KIRREL3: variants seen among roughly 807,000 people sequenced by gnomAD.
KIRREL3 encodes kin of IRRE-like protein 3.
Under a neutral mutation model 89.7 loss-of-function variants are expected in KIRREL3, and 36 were observed. The observed-to-expected ratio is 0.40, with a 90% CI of 0.31 to 0.53. KIRREL3 has a LOEUF of 0.53. Ranked by LOEUF, KIRREL3 falls within the 20% of genes least tolerant of loss-of-function variation. The pLI, the probability that KIRREL3 is intolerant of heterozygous loss-of-function variation, is 0.49. For missense variants in KIRREL3, 864 were observed against 1,056.6 expected (o/e 0.82, Z 2.53); for synonymous variants, 445 against 441.4 (o/e 1.01, Z -0.10).
chr11:126,751,655 A>T (rs1185394896), intron 1 of KIRREL3, among the ~76,000 whole-genome samples: 1 of 151,796 alleles, frequency 6.6e-6, no homozygotes, highest in East Asian at 1.9e-4. Context: ...CTCACTAAAT[A>T]TTCTTTTTGA....
chr11:126,433,174 C>T (rs976391973), intron 13 of KIRREL3, among the ~76,000 whole-genome samples: 6 of 152,218 alleles, frequency 3.9e-5, no homozygotes, highest in Non-Finnish European at 8.8e-5. Context: ...CCATCGTTCC[C>T]GATCAGCAGT....
rs1212101697 is a variant in KIRREL3 at position 126,561,516 on chromosome 11, T to G, written c.133+1319A>C. On this transcript the variant is annotated intron_variant, in intron 2 of 16. Coordinates refer to ENST00000525144, the MANE Select transcript of KIRREL3 (RefSeq NM_032531.4). This position sits in a 1 kb window ranked among gnomAD's most constrained non-coding sequence, Gnocchi z 4.5. ...AGGCACGCTGTCAGTTCCCACAAAT[T>G]AGAAGTTACTGCCTAGCAGTCTTGT... 6.6e-6 allele frequency among the ~76,000 whole-genome samples: 1 copy of G among 151,976 alleles called. No individual in the cohort carries two copies. The highest frequency in any genetic ancestry group is 1.5e-5 in the Non-Finnish European group (1 of 67,994).
In KIRREL3 at chr11:126,495,296, G is replaced by C. The variant is rs777616534; in HGVS notation, c.434-21830C>G. On this transcript the variant is annotated intron_variant, in intron 4 of 16. Transcript: ENST00000525144. The surrounding 1 kb of genome is among the most constrained non-coding windows in gnomAD (Gnocchi z 6.5). ...AGTGTGACCCATCAGCTTGACTTCC[G>C]GGCCCTCTGTACCCTGGCCCAAGCC... is the stretch of plus-strand genomic sequence containing the variant. Among the ~76,000 whole-genome samples, 7 of 152,082 alleles carry C rather than the reference G, an allele frequency of 4.6e-5. No homozygotes were observed. Among genetic ancestry groups the C allele is most frequent in the Non-Finnish European group, 1.0e-4 (7 of 68,006 alleles).
chr11:126,841,114 T>C (rs538345219), intron 1 of KIRREL3, among the ~76,000 whole-genome samples: 7 of 152,294 alleles, frequency 4.6e-5, no homozygotes, highest in South Asian at 2.1e-4. Context: ...GGAAAGAACA[T>C]AGTGTATATA....
chr11:126,638,233 G>A (rs1944339507), intron 1 of KIRREL3, among the ~76,000 whole-genome samples: 1 of 152,198 alleles, frequency 6.6e-6, no homozygotes, highest in African/African-American at 2.4e-5. Flanking sequence ...CCTCTTGACA[G>A]AATTTTCCTA....
chr11:126,563,197 T>C lies in KIRREL3; in HGVS notation c.56-285A>G, dbSNP rs1030053468. Among the ~76,000 whole-genome samples the C allele has an allele frequency of 6.6e-6, 1 of 152,210 alleles. No individual in the cohort carries two copies. Among genetic ancestry groups the C allele is most frequent in the East Asian group, 1.9e-4 (1 of 5,198 alleles). Reference sequence around the variant, plus strand: ...ACTGGATGAAAGAGCTAGCAGGTGGTAAAGCCAGAGCTTTGAACCTAGGCA... The same window carrying C: ...ACTGGATGAAAGAGCTAGCAGGTGGCAAAGCCAGAGCTTTGAACCTAGGCA... On this transcript the variant is annotated intron_variant, in intron 1 of 16. Transcript: ENST00000525144. This position sits in a 1 kb window ranked among gnomAD's most constrained non-coding sequence, Gnocchi z 6.8.
rs1938396095 is a variant in KIRREL3, at chr11:126,541,901, C to T, written c.134-15214G>A. Among the ~76,000 whole-genome samples the T allele has an allele frequency of 6.6e-6, 1 of 152,192 alleles. No homozygotes were observed. The highest frequency in any genetic ancestry group is 2.4e-5 in the African/African-American group (1 of 41,448). On this transcript the variant is annotated intron_variant, in intron 2 of 16. Coordinates refer to ENST00000525144, the MANE Select transcript of KIRREL3 (RefSeq NM_032531.4). The surrounding 1 kb of genome is among the most constrained non-coding windows in gnomAD (Gnocchi z 4.8). ...GGCATTTTCACACCTTTTGAAAGTT[C>T]ATGCAACCCTTTTTGTCAGTGAAGT...
chr11:126,511,908 C>G (rs1363722174), intron 4 of KIRREL3, among the ~76,000 whole-genome samples: 2 of 152,196 alleles, frequency 1.3e-5, no homozygotes, highest in Non-Finnish European at 2.9e-5. Context: ...CCTCAGAGGG[C>G]TCCCTGTGCA....
At chr11:126,585,497 G>A (rs1308182052) in intron 1 of KIRREL3, among the ~76,000 whole-genome samples, 1 of 151,902 alleles carries the variant, frequency 6.6e-6, no homozygotes, top group African/African-American at 2.4e-5. Flanking sequence ...GCCTCCCAAA[G>A]TGTTGGAATC....
At chr11:126,634,136 A>G (rs1944167048) in intron 1 of KIRREL3, among the ~76,000 whole-genome samples, 1 of 152,260 alleles carries the variant, frequency 6.6e-6, no homozygotes, top group Non-Finnish European at 1.5e-5. Flanking sequence ...TCCAGTGTCG[A>G]AGGCCAATTT....
chr11:126,617,470 CTACTTTCAA>C (rs1385625190), intron 1 of KIRREL3, among the ~76,000 whole-genome samples: 7 of 152,324 alleles, frequency 4.6e-5, no homozygotes, highest in African/African-American at 1.7e-4. Flanking sequence ...TTATACTTAT[CTACTTTCAA>C]AAATAATTTT....
At chr11:126,672,635 T>C (rs772472276) in intron 1 of KIRREL3, among the ~76,000 whole-genome samples, 1 of 152,188 alleles carries the variant, frequency 6.6e-6, no homozygotes, top group Non-Finnish European at 1.5e-5. Flanking sequence ...AATACTGTAA[T>C]GGTGGTAGGG....
intron 1 of KIRREL3, among the ~76,000 whole-genome samples, chr11:126,942,364 T>C (rs1220589780): frequency 6.6e-6 from 1 of 152,122 alleles, no homozygotes; most frequent in Non-Finnish European, 1.5e-5. Context: ...ATGAAAAACA[T>C]ACTTTCTCAT....
chr11:126,468,053 C>T (rs1956780794), intron 5 of KIRREL3, among the ~76,000 whole-genome samples: 1 of 152,136 alleles, frequency 6.6e-6, no homozygotes, highest in Non-Finnish European at 1.5e-5. Context: ...GCAAGGGGCT[C>T]CAAGCAGACA....
chr11:126,472,551 T>C (rs555351433), intron 5 of KIRREL3, among the ~76,000 whole-genome samples: 3 of 152,136 alleles, frequency 2.0e-5, no homozygotes, highest in Non-Finnish European at 4.4e-5. Flanking sequence ...GATCTTGACA[T>C]AGAAATGTTG....
intron 1 of KIRREL3, among the ~76,000 whole-genome samples, chr11:126,582,958 C>T: frequency 6.7e-6 from 1 of 148,746 alleles, no homozygotes; most frequent in East Asian, 2.0e-4. Flanking sequence ...CAAAGCTACA[C>T]AGTCAGTAAA....
At position 126,970,214 on chromosome 11, in the gene KIRREL3, C is replaced by T. The variant is rs553750749; in HGVS notation, c.55+30241G>A. ...AGCTCAGTTAATTCCACTTAAGACA[C>T]TCTTGTTTCCCCGTATTTTTACTCA... On this transcript the variant is annotated intron_variant, in intron 1 of 16. Transcript: ENST00000525144. The surrounding 1 kb of genome is among the most constrained non-coding windows in gnomAD (Gnocchi z 4.4). Among the ~76,000 whole-genome samples, 1 of 152,206 alleles carries T rather than the reference C, an allele frequency of 6.6e-6. No homozygotes were observed. The highest frequency in any genetic ancestry group is 6.5e-5 in the Admixed American group (1 of 15,280).
intron 1 of KIRREL3, among the ~76,000 whole-genome samples, chr11:126,580,949 G>C (rs954809235): frequency 6.8e-6 from 1 of 146,942 alleles, no homozygotes; most frequent in Non-Finnish European, 1.5e-5. Context: ...TGACTCTTTT[G>C]TGCAGATCCA....
Position 126,547,411 on chromosome 11 carries a change from C to T in KIRREL3, c.133+15424G>A, listed in dbSNP as rs191824529. Among the ~76,000 whole-genome samples, 49 of 152,334 alleles carry T rather than the reference C, an allele frequency of 3.2e-4. No homozygotes were observed. In the East Asian group the frequency reaches 8.1e-3, roughly 25 times the overall value. Reference sequence around the variant, plus strand: ...GTCTAATCACGAAGGCTGCATCTGACGGAAAACCTATTAACATGCTACAGA... The same window carrying T: ...GTCTAATCACGAAGGCTGCATCTGATGGAAAACCTATTAACATGCTACAGA... On this transcript the variant is annotated intron_variant, in intron 2 of 16. Coordinates refer to ENST00000525144, the MANE Select transcript of KIRREL3 (RefSeq NM_032531.4).
Sources: allele counts gnomAD v4.1 joint callset (sites outside exome capture counted in the v4.1 genomes callset), GRCh38; gene constraint gnomAD v4.1.1; non-coding constraint Gnocchi (gnomAD v3.1); transcripts MANE v1.5; gene names NCBI Gene and HGNC (gene_info 2026-07-23, HGNC 2026-07-21).